Variants in ENTPD7 observed in about 807,000 individuals in gnomAD.
The protein encoded by ENTPD7 is ectonucleoside triphosphate diphosphohydrolase 7.
ENTPD7 carries 53 observed loss-of-function variants against 77.9 expected under a neutral mutation model. The observed-to-expected ratio is 0.68, with a 90% CI of 0.55 to 0.85. The LOEUF is 0.85. ENTPD7 is among the 40% of genes least tolerant of loss of function. ENTPD7 has a pLI of 0.00. For synonymous variants in ENTPD7, 248 were observed against 274.9 expected, an observed-to-expected ratio of 0.90 and a Z score of 0.97; for missense variants, 636 against 743.7, an observed-to-expected ratio of 0.86 and a Z score of 1.68.
intron 5 of ENTPD7, among the ~76,000 whole-genome samples, chr10:99,683,899 T>C (rs1247850491): frequency 1.3e-5 from 2 of 152,224 alleles, no homozygotes; most frequent in African/African-American, 2.4e-5. Context: ...TTCATTGTTA[T>C]AAATAATGCT....
chr10:99,663,978 C>T (rs1367773568), intron 3 of ENTPD7, among the ~76,000 whole-genome samples: 1 of 151,690 alleles, frequency 6.6e-6, no homozygotes, highest in East Asian at 1.9e-4. Flanking sequence ...TTTTTTCTCT[C>T]TGTGTTTCAT....
intron 12 of ENTPD7, among the ~76,000 whole-genome samples, chr10:99,703,454 C>G (rs1337714140): frequency 6.6e-6 from 1 of 152,192 alleles, no homozygotes; most frequent in Non-Finnish European, 1.5e-5. Flanking sequence ...TTTGCCAGTT[C>G]TCATCTGTCC....
rs1245791907 is a variant in ENTPD7, at chr10:99,701,032, A to T, written c.1395A>T (p.Ser465=). ...AGAGATTCAAGAATGGCCTCTTTTC[A>T]TCACATGCAGATGAGCATCGACTCA... ...LTQRFKNGLF[S]SHADEHRLKY... The change falls in exon 11 of 13, where the codon TCA becomes TCT. Residue 465 remains serine (S), a synonymous_variant. Coordinates refer to ENST00000370489, the MANE Select transcript of ENTPD7 (RefSeq NM_020354.5). 1 of 1,614,108 alleles carries T rather than the reference A, an allele frequency of 6.2e-7. No homozygotes were observed. Among genetic ancestry groups the T allele is most frequent in the Non-Finnish European group, 8.5e-7 (1 of 1,179,968 alleles).
At position 99,706,041 on chromosome 10, in the gene ENTPD7, G is replaced by T. The variant is rs1045510467; in HGVS notation, c.*1358G>T. The T allele has an allele frequency of 6.6e-6, 1 of 152,116 alleles. No homozygotes were observed. Among genetic ancestry groups the T allele is most frequent in the Non-Finnish European group, 1.5e-5 (1 of 68,028 alleles). The allele number at this position is 152,116 out of a possible 1,614,324, so 9.4% of individuals were successfully genotyped here. A position where few individuals can be genotyped will look rare whatever the true frequency, so the allele number is the denominator to read the frequency against. On this transcript the variant is annotated 3_prime_UTR_variant, in exon 13 of 13. Coordinates refer to ENST00000370489, the MANE Select transcript of ENTPD7 (RefSeq NM_020354.5). ...TTTCCACGAATATGCTCCCACGGCT[G>T]GGAGCATTTTCTTTTCTTTTCGTCA...
Position 99,709,068 on chromosome 10 carries a change from CT to C in ENTPD7, c.*4389del, listed in dbSNP as rs2036307555. On this transcript the variant is annotated 3_prime_UTR_variant, in exon 13 of 13. Transcript: ENST00000370489. ...TCTTGTTCCTGTATTTCTTTTCGTA[CT>C]TTTAAATTTTATACATCTTTTTAAA... 1.0e-6 allele frequency: 1 copy of C among 982,382 alleles called. No homozygotes were observed. The highest frequency in any genetic ancestry group is 4.7e-5 in the South Asian group (1 of 21,226). The allele number at this position is 982,382 out of a possible 1,614,324, so 60.9% of individuals were successfully genotyped here. A position where few individuals can be genotyped will look rare whatever the true frequency, so the allele number is the denominator to read the frequency against.
chr10:99,688,781 ACC>A, intron 7 of ENTPD7, 31 bp downstream of exon 7: 15 of 1,607,678 alleles, frequency 9.3e-6, no homozygotes, highest in Non-Finnish European at 1.3e-5. Context: ...ATGACAGTTT[ACC>A]TAAGGGCTGA....
chr10:99,661,149 T>G (rs1416230016), intron 2 of ENTPD7, among the ~76,000 whole-genome samples: 1 of 152,212 alleles, frequency 6.6e-6, no homozygotes, highest in Non-Finnish European at 1.5e-5. Context: ...GTAGTTGCTC[T>G]GATTCTCCAA....
chr10:99,661,741 C>A, intron 3 of ENTPD7, 113 bp downstream of exon 3: 1 of 922,646 alleles, frequency 1.1e-6, no homozygotes, highest in East Asian at 3.0e-5. Context: ...AGTAAAATTG[C>A]ATGCCATTTA....
At chr10:99,682,141 T>G (rs77924645) in intron 5 of ENTPD7, among the ~76,000 whole-genome samples, 18 of 152,242 alleles carry the variant, frequency 1.2e-4, no homozygotes, top group African/African-American at 4.3e-4. Flanking sequence ...ATGTTCATGG[T>G]CTCATAGGCA....
intron 2 of ENTPD7, 61 bp downstream of exon 2, chr10:99,660,025 G>A (rs2035457640): frequency 1.2e-6 from 2 of 1,612,658 alleles, no homozygotes; most frequent in Admixed American, 1.7e-5. Flanking sequence ...GCAGGTTGGG[G>A]GGCCCTGGGA....
In ENTPD7 at chr10:99,706,935, G is replaced by T. The variant is rs1213818638; in HGVS notation, c.*2252G>T. 6.6e-6 allele frequency among the ~76,000 whole-genome samples: 1 copy of T among 152,160 alleles called. No individual in the cohort carries two copies. Among genetic ancestry groups the T allele is most frequent in the Admixed American group, 6.5e-5 (1 of 15,278 alleles). ...ATGTTCATGTGCTAAAAATGAACTT[G>T]AAACACGGAAGTAGTGGTTGGTCCA... On this transcript the variant is annotated 3_prime_UTR_variant, in exon 13 of 13. Transcript: ENST00000370489.
In ENTPD7 at chr10:99,695,157, G is replaced by A. The variant is rs191972388; in HGVS notation, c.844-799G>A. Among the ~76,000 whole-genome samples, 699 of 152,164 alleles carry A rather than the reference G, an allele frequency of 4.6e-3. 5 individuals are homozygous for A. Among genetic ancestry groups the A allele is most frequent in the South Asian group, 0.015 (74 of 4,818 alleles). ...AAAAATATAGCACCTTTTCATTGGC[G>A]GTACAATAAAATTGAACTTTCCCAA... On this transcript the variant is annotated intron_variant, in intron 8 of 12. Coordinates refer to ENST00000370489, the MANE Select transcript of ENTPD7 (RefSeq NM_020354.5).
In ENTPD7 at chr10:99,679,999, C is replaced by T. The variant is rs1433767638; in HGVS notation, c.548+124C>T. The T allele has an allele frequency of 6.1e-6, 7 of 1,152,758 alleles. No individual in the cohort carries two copies. The East Asian group carries it at 1.7e-4, about 28-fold the overall frequency. 71.4% of individuals were successfully genotyped at this position (1,152,758 alleles called of 1,614,324 possible). On this transcript the variant is annotated intron_variant, in intron 5 of 12. Coordinates refer to ENST00000370489, the MANE Select transcript of ENTPD7 (RefSeq NM_020354.5). ...TAAACCCAATTATGACACAATCATTCATTCCCAACTTCTTGTCATTTGCTG... is the reference window on the plus strand; with the variant it reads ...TAAACCCAATTATGACACAATCATTTATTCCCAACTTCTTGTCATTTGCTG...
chr10:99,704,821 A>C lies in ENTPD7; in HGVS notation c.*138A>C. On this transcript the variant is annotated 3_prime_UTR_variant, in exon 13 of 13. Coordinates refer to ENST00000370489, the MANE Select transcript of ENTPD7 (RefSeq NM_020354.5). ...CCTTGGAATTTCTACTTTACTTTCT[A>C]CCGTAATTCCTTCTCCGTACCCAGG... is the stretch of plus-strand genomic sequence containing the variant. 1 of 782,346 alleles carries C rather than the reference A, an allele frequency of 1.3e-6. No homozygotes were observed. Among genetic ancestry groups the C allele is most frequent in the East Asian group, 2.7e-5 (1 of 37,188 alleles). 48.5% of individuals were successfully genotyped at this position (782,346 alleles called of 1,614,324 possible). A position where few individuals can be genotyped will look rare whatever the true frequency, so the allele number is the denominator to read the frequency against.
intron 3 of ENTPD7, among the ~76,000 whole-genome samples, chr10:99,662,128 TCTGA>T (rs1187656092): frequency 6.6e-6 from 1 of 152,230 alleles, no homozygotes; most frequent in Non-Finnish European, 1.5e-5. Flanking sequence ...TTTTATCCAA[TCTGA>T]CTATCTCTGC....
chr10:99,664,993 G>A (rs2035530771), intron 3 of ENTPD7, among the ~76,000 whole-genome samples: 1 of 151,902 alleles, frequency 6.6e-6, no homozygotes, highest in South Asian at 2.1e-4. Context: ...GCTCACGCCT[G>A]TAATCTCAGC....
In ENTPD7 at chr10:99,710,599, A is replaced by C; in HGVS notation, c.*5916A>C. 1.0e-6 allele frequency: 1 copy of C among 985,444 alleles called. No homozygotes were observed. The highest frequency in any genetic ancestry group is 1.2e-6 in the Non-Finnish European group (1 of 829,930). 61.0% of individuals were successfully genotyped at this position (985,444 alleles called of 1,614,324 possible). A position where few individuals can be genotyped will look rare whatever the true frequency, so the allele number is the denominator to read the frequency against. On this transcript the variant is annotated 3_prime_UTR_variant, in exon 13 of 13. Coordinates refer to ENST00000370489, the MANE Select transcript of ENTPD7 (RefSeq NM_020354.5). Reference sequence around the variant, plus strand: ...TGACAAACATTTTAGGTCAGTGTTGAGGAAAATGTGTGATGCATGTTAGAG... The same window carrying C: ...TGACAAACATTTTAGGTCAGTGTTGCGGAAAATGTGTGATGCATGTTAGAG...
chr10:99,701,719 A>G (rs1237368139), intron 11 of ENTPD7, among the ~76,000 whole-genome samples: 1 of 152,056 alleles, frequency 6.6e-6, no homozygotes, highest in African/African-American at 2.4e-5. Context: ...AGTATGGTTC[A>G]TTGGTCCTTT....
At chr10:99,702,747 C>CT (rs1262699071) in intron 12 of ENTPD7, 74 bp downstream of exon 12, 28,544 of 1,078,208 alleles carry the variant, frequency 0.026, no homozygotes, top group South Asian at 0.035. Flanking sequence ...CGGTTTCTTT[C>CT]TTTTTTTTTT....
Sources: allele counts gnomAD v4.1 joint callset (sites outside exome capture counted in the v4.1 genomes callset), GRCh38; gene constraint gnomAD v4.1.1; transcripts MANE v1.5; gene names NCBI Gene and HGNC (gene_info 2026-07-23, HGNC 2026-07-21).